The following GPHB5 variants were observed in gnomAD, a reference collection of about 807,000 sequenced individuals.
GPHB5 encodes glycoprotein hormone beta-5.
In GPHB5, 7 loss-of-function variants were observed where a neutral mutation model predicts 10.1. That is an observed-to-expected ratio of 0.69 (90% CI 0.39 to 1.30). The LOEUF is 1.30. GPHB5 is among the 50% of genes most tolerant of loss of function. GPHB5 has a pLI of 0.01. For synonymous variants in GPHB5, 68 were observed against 70.1 expected (o/e 0.97, Z 0.15); for missense variants, 161 against 169.8 (o/e 0.95, Z 0.29).
intron 2 of GPHB5, among the ~76,000 whole-genome samples, chr14:63,315,165 A>G (rs1055669683): frequency 2.0e-5 from 3 of 150,898 alleles, no homozygotes; most frequent in East Asian, 3.9e-4. Flanking sequence ...TCCACCCACC[A>G]CAGCCTCCCA....
At position 63,317,752 on chromosome 14, in the gene GPHB5, A is replaced by G. The variant is rs1280180176; in HGVS notation, c.98T>C (p.Phe33Ser). The G allele has an allele frequency of 1.6e-5, 26 of 1,613,878 alleles. No individual in the cohort carries two copies. Among genetic ancestry groups the G allele is most frequent in the Non-Finnish European group, 2.1e-5 (25 of 1,179,878 alleles). ...AAACTCCCTCACGGCACAGCCCACA[A>G]AGGTGCGCAGGTTCCCACTGGAGGC... Reference protein sequence around the residue: ...LGASSGNLRTFVGCAVREFTF... With the variant: ...LGASSGNLRTSVGCAVREFTF... Residue 33 changes from phenylalanine to serine, a missense_variant, in exon 2 of 3, where the codon TTT becomes TCT. By Grantham distance (155) the Phe-to-Ser change is radical. Coordinates refer to ENST00000621500, the MANE Select transcript of GPHB5 (RefSeq NM_145171.4).
chr14:63,315,398 T>A (rs1222271830), intron 2 of GPHB5, among the ~76,000 whole-genome samples: 1 of 152,260 alleles, frequency 6.6e-6, no homozygotes, highest in Non-Finnish European at 1.5e-5. Flanking sequence ...AAATACTGTA[T>A]GAGACAGACA....
chr14:63,315,251 T>TG (rs1882752750), intron 2 of GPHB5, among the ~76,000 whole-genome samples: 1 of 152,272 alleles, frequency 6.6e-6, no homozygotes, highest in East Asian at 1.9e-4. Context: ...GAGCTGAATT[T>TG]GTCCTGAACT....
At chr14:63,316,442 G>A (rs140739364) in intron 2 of GPHB5, among the ~76,000 whole-genome samples, 412 of 152,256 alleles carry the variant, frequency 2.7e-3, no homozygotes, top group Middle Eastern at 0.01. Context: ...GTTCATACAC[G>A]ACATCTTGAC....
chr14:63,315,532 T>C (rs58625491), intron 2 of GPHB5, among the ~76,000 whole-genome samples: 16,270 of 152,214 alleles, frequency 0.11, 941 homozygotes, highest in African/African-American at 0.15. Context: ...TTTATTTTGT[T>C]TGTCTGTTTG....
chr14:63,314,984 C>A (rs1050273758), intron 2 of GPHB5, among the ~76,000 whole-genome samples: 3 of 148,116 alleles, frequency 2.0e-5, no homozygotes, highest in Non-Finnish European at 4.4e-5. Flanking sequence ...CTCACTGTAA[C>A]CTCCACCTCC....
chr14:63,316,635 A>C (rs150473194), intron 2 of GPHB5, among the ~76,000 whole-genome samples: 70 of 152,332 alleles, frequency 4.6e-4, no homozygotes, highest in African/African-American at 1.5e-3. Flanking sequence ...ATAATGACAG[A>C]TGGGAAGGAG....
At chr14:63,313,177 T>C (rs919031300) in intron 2 of GPHB5, 61 bp from the exon 3 acceptor site, 42 of 1,331,864 alleles carry the variant, frequency 3.2e-5, no homozygotes, top group Admixed American at 1.2e-4. Context: ...TTCAGTTTTT[T>C]AGTATCATTT....
At chr14:63,313,215 C>T (rs544017477) in intron 2 of GPHB5, 99 bp from the exon 3 acceptor site, 7 of 1,095,006 alleles carry the variant, frequency 6.4e-6, no homozygotes, top group African/African-American at 6.3e-5. Flanking sequence ...ACTTGTTATT[C>T]GTTGATTTAC....
intron 2 of GPHB5, among the ~76,000 whole-genome samples, chr14:63,316,992 G>A (rs1882781825): frequency 1.3e-5 from 2 of 152,160 alleles, no homozygotes; most frequent in South Asian, 4.1e-4. Context: ...AGCCCAATAG[G>A]ATTTTAACTT....
At chr14:63,315,467 T>G (rs1313062041) in intron 2 of GPHB5, among the ~76,000 whole-genome samples, 5 of 152,186 alleles carry the variant, frequency 3.3e-5, no homozygotes, top group Non-Finnish European at 7.3e-5. Context: ...CTGGGCTTCC[T>G]GGTTTTCTGG....
At chr14:63,314,023 A>G (rs1488331853) in intron 2 of GPHB5, among the ~76,000 whole-genome samples, 2 of 152,362 alleles carry the variant, frequency 1.3e-5, no homozygotes, top group South Asian at 2.1e-4. Context: ...GAGAGTTTCA[A>G]TAACTATTTG....
Position 63,314,786 on chromosome 14 carries a change from C to G in GPHB5, c.205-1670G>C, listed in dbSNP as rs181598686. 1.1e-3 allele frequency among the ~76,000 whole-genome samples: 168 copies of G among 151,954 alleles called. 2 individuals are homozygous for G. Among genetic ancestry groups the G allele is most frequent in the Non-Finnish European group, 1.8e-3 (122 of 67,994 alleles). The stretch of plus-strand genomic sequence containing the variant: ...ATAACAAGCTTTCAAATGACAGTAC[C>G]TTTGCTTTTTGGTTCTTCTTTGTTC... On this transcript the variant is annotated intron_variant, in intron 2 of 2. Transcript: ENST00000621500.
At position 63,318,914 on chromosome 14, in the gene GPHB5, G is replaced by C. The variant is rs746699699; in HGVS notation, c.-92C>G. ...AATGAATGGTAGAAGTTTGCCCTGG[G>C]TAAATGTCTCTACCTTCTGTTACTG... On this transcript the variant is annotated 5_prime_UTR_variant, in exon 1 of 3. Coordinates refer to ENST00000621500, the MANE Select transcript of GPHB5 (RefSeq NM_145171.4). 6.6e-6 allele frequency: 1 copy of C among 152,186 alleles called. No individual in the cohort carries two copies. The highest frequency in any genetic ancestry group is 2.4e-5 in the African/African-American group (1 of 41,442). 9.4% of individuals were successfully genotyped at this position (152,186 alleles called of 1,614,324 possible).
chr14:63,316,922 T>C (rs1882780724), intron 2 of GPHB5, among the ~76,000 whole-genome samples: 1 of 152,228 alleles, frequency 6.6e-6, no homozygotes. Flanking sequence ...CACTACGTAA[T>C]GTGATCTGCT....
intron 2 of GPHB5, among the ~76,000 whole-genome samples, chr14:63,314,905 C>CTTTTTTTTTTTT: frequency 1.3e-5 from 1 of 75,352 alleles, no homozygotes; most frequent in Non-Finnish European, 2.7e-5. Context: ...TTTCTTTTTT[C>CTTTTTTTTTTTT]TTTTTTTTTT....
chr14:63,317,596 C>A (rs748760926), intron 2 of GPHB5, 50 bp downstream of exon 2: 1 of 1,561,498 alleles, frequency 6.4e-7, no homozygotes, highest in African/African-American at 1.4e-5. Context: ...GAATCAGACC[C>A]AAGCTGCTGG....
chr14:63,316,006 C>A (rs1239303135), intron 2 of GPHB5, among the ~76,000 whole-genome samples: 1 of 152,148 alleles, frequency 6.6e-6, no homozygotes, highest in East Asian at 1.9e-4. Context: ...TTCAAATAGC[C>A]CAGACACTAG....
intron 2 of GPHB5, 120 bp from the exon 3 acceptor site, chr14:63,313,236 G>A: frequency 2.1e-6 from 2 of 960,854 alleles, no homozygotes; most frequent in Non-Finnish European, 3.1e-6. Flanking sequence ...TTGTTGCTCT[G>A]TCGTCTCCCA....
Sources: allele counts gnomAD v4.1 joint callset (sites outside exome capture counted in the v4.1 genomes callset), GRCh38; gene constraint gnomAD v4.1.1; transcripts MANE v1.5; gene names NCBI Gene and HGNC (gene_info 2026-07-23, HGNC 2026-07-21).